Variants in MBD5 observed in about 807,000 individuals in gnomAD.
MBD5 encodes the protein methyl-CpG-binding domain protein 5.
In MBD5, 13 loss-of-function variants were observed where a neutral mutation model predicts 117.3. The observed-to-expected ratio is 0.11, with a 90% confidence interval of 0.07 to 0.18. The LOEUF is 0.18. Ranked by LOEUF, MBD5 falls within the 10% of genes least tolerant of loss-of-function variation. MBD5 has a pLI of 1.00. For synonymous variants in MBD5, 727 were observed against 766.4 expected, an observed-to-expected ratio of 0.95 and a Z score of 0.85; for missense variants, 1,879 against 2,093.8, an observed-to-expected ratio of 0.90 and a Z score of 2.00.
At chr2:148,228,943 A>C (rs1699910183) in intron 2 of MBD5, among the ~76,000 whole-genome samples, 1 of 152,008 alleles carries the variant, frequency 6.6e-6, no homozygotes, top group African/African-American at 2.4e-5. Context: ...TTTCTGTGGG[A>C]TCGCTGGTGA....
intron 1 of MBD5, among the ~76,000 whole-genome samples, chr2:148,157,923 G>A (rs893386106): frequency 5.9e-5 from 9 of 151,994 alleles, no homozygotes; most frequent in African/African-American, 1.9e-4. Flanking sequence ...TATTCATCAC[G>A]ATGGAAATGT....
intron 3 of MBD5, among the ~76,000 whole-genome samples, chr2:148,246,495 G>A (rs966421366): frequency 3.3e-5 from 5 of 152,080 alleles, no homozygotes; most frequent in Admixed American, 1.3e-4. Flanking sequence ...TACTAGCTGG[G>A]CACGGTGGCT....
At chr2:148,434,797 C>A (rs1463992656) in intron 4 of MBD5, among the ~76,000 whole-genome samples, 1 of 152,078 alleles carries the variant, frequency 6.6e-6, no homozygotes, top group Non-Finnish European at 1.5e-5. Context: ...AGTTCAAGTT[C>A]TGAATATCAT....
intron 2 of MBD5, among the ~76,000 whole-genome samples, chr2:148,210,349 C>CT (rs199728383): frequency 4.0e-5 from 6 of 151,070 alleles, no homozygotes; most frequent in African/African-American, 1.5e-4. Flanking sequence ...CTGGTTAATT[C>CT]TTTTTTTTTG....
At chr2:148,078,763 A>G (rs899575034) in intron 1 of MBD5, among the ~76,000 whole-genome samples, 2 of 152,318 alleles carry the variant, frequency 1.3e-5, no homozygotes, top group Non-Finnish European at 2.9e-5. Flanking sequence ...TTTGTTGGTA[A>G]TTGTGGGCTT....
chr2:148,243,922 A>C lies in MBD5; in HGVS notation c.-680+10527A>C, dbSNP rs1574185265. On this transcript the variant is annotated intron_variant, in intron 3 of 13. Coordinates refer to ENST00000642680, the MANE Select transcript of MBD5 (RefSeq NM_001378120.1). ...TATGATTCTATAGAAAAATCTGGCTATGTGTCTTTTTTTATGTGTATTTCT... is the reference window on the plus strand; with the variant it reads ...TATGATTCTATAGAAAAATCTGGCTCTGTGTCTTTTTTTATGTGTATTTCT... The C allele has an allele frequency of 2.0e-5, 3 of 151,958 alleles. No homozygotes were observed. In the East Asian group the frequency reaches 5.8e-4, roughly 29 times the overall value. The allele number at this position is 151,958 out of a possible 1,614,324, so 9.4% of individuals were successfully genotyped here. A position where few individuals can be genotyped will look rare whatever the true frequency, so the allele number is the denominator to read the frequency against.
chr2:148,383,055 C>G (rs1157611388), intron 4 of MBD5, among the ~76,000 whole-genome samples: 6 of 151,616 alleles, frequency 4.0e-5, no homozygotes, highest in Admixed American at 1.3e-4. Context: ...ACTAGAGAAG[C>G]AAGAGCAAAC....
At chr2:148,511,472 G>A (rs955031407) in intron 13 of MBD5, among the ~76,000 whole-genome samples, 5 of 152,228 alleles carry the variant, frequency 3.3e-5, no homozygotes, top group Non-Finnish European at 2.9e-5. Context: ...TCTCCAGAAG[G>A]CATTCCTTCC....
At chr2:148,465,787 G>C (rs187058066) in intron 7 of MBD5, among the ~76,000 whole-genome samples, 45 of 152,224 alleles carry the variant, frequency 3.0e-4, no homozygotes, top group Admixed American at 4.6e-4. Flanking sequence ...TTCACACTTA[G>C]AATTCATGTG....
Position 148,490,227 on chromosome 2 carries a change from G to A in MBD5, c.4595G>A (p.Arg1532Gln), listed in dbSNP as rs35934694. 1.3e-4 allele frequency: 216 copies of A among 1,614,172 alleles called. 1 individual carries two copies. The African/African-American group carries it at 2.3e-3, about 17-fold the overall frequency. ...AATGGGAATAGACCTCGACAGAGTC[G>A]GGGATTTGGAGAGCTGCTAAGCACT... Reference protein sequence around the residue: ...HINGNRPRQSRGFGELLSTAK... With the variant: ...HINGNRPRQSQGFGELLSTAK... Residue 1532 changes from arginine (R) to glutamine (Q), a missense_variant, in exon 11 of 14, where the codon CGG (arginine) becomes CAG (glutamine). Physicochemically the swap from Arg to Gln is conservative, Grantham distance 43. Transcript: ENST00000642680.
intron 3 of MBD5, among the ~76,000 whole-genome samples, chr2:148,311,161 T>G (rs1163426710): frequency 6.6e-6 from 1 of 152,158 alleles, no homozygotes; most frequent in Non-Finnish European, 1.5e-5. Context: ...GTCTATTAGG[T>G]CGGCTTGGTC....
intron 1 of MBD5, among the ~76,000 whole-genome samples, chr2:148,043,959 A>G (rs1452379603): frequency 6.6e-6 from 1 of 152,230 alleles, no homozygotes; most frequent in Non-Finnish European, 1.5e-5. Flanking sequence ...CTAACTCAGA[A>G]TAATTGAGGT....
intron 1 of MBD5, among the ~76,000 whole-genome samples, chr2:148,144,023 G>T (rs894080630): frequency 4.6e-5 from 7 of 152,180 alleles, no homozygotes; most frequent in Admixed American, 3.3e-4. Flanking sequence ...TTGAGGAATC[G>T]CTACACTGTC....
intron 4 of MBD5, among the ~76,000 whole-genome samples, chr2:148,376,451 C>T (rs1472848611): frequency 2.0e-5 from 3 of 149,922 alleles, no homozygotes; most frequent in Non-Finnish European, 4.4e-5. Flanking sequence ...GTATTTTTAG[C>T]AGAGACGGGG....
chr2:148,153,095 G>T lies in MBD5; in HGVS notation c.-924-25605G>T, dbSNP rs532966071. On this transcript the variant is annotated intron_variant, in intron 1 of 13. Transcript: ENST00000642680. ...GCTGGTACCGATTATTCCTTTCCAT[G>T]TTTAGCGCTTCCTTCAGGAGCTCTT... Among the ~76,000 whole-genome samples, 6 of 151,888 alleles carry T rather than the reference G, an allele frequency of 4.0e-5. No individual in the cohort carries two copies. The South Asian group carries it at 1.0e-3, about 26-fold the overall frequency.
At chr2:148,253,461 G>A (rs58880256) in intron 3 of MBD5, among the ~76,000 whole-genome samples, 19,457 of 152,088 alleles carry the variant, frequency 0.13, 1,404 homozygotes, top group Admixed American at 0.16. Flanking sequence ...TGGTTGCTGT[G>A]AGGGCATATA....
intron 3 of MBD5, among the ~76,000 whole-genome samples, chr2:148,288,707 C>T (rs2106415112): frequency 6.6e-6 from 1 of 151,708 alleles, no homozygotes; most frequent in East Asian, 1.9e-4. Context: ...GTAGTGTAAT[C>T]TATCACAGGA....
At position 148,489,566 on chromosome 2, in the gene MBD5, G is replaced by T. The variant is rs1172686822; in HGVS notation, c.3934G>T (p.Gly1312Cys). The change falls in exon 11 of 14, where the codon GGC becomes TGC. Residue 1312 changes from glycine (G) to cysteine (C), a missense_variant. By Grantham distance (159) the Gly-to-Cys change is radical. Transcript: ENST00000642680. Reference protein sequence around the residue: ...QQVKDGLVVGGPGDASVDAIY... With the variant: ...QQVKDGLVVGCPGDASVDAIY... The stretch of plus-strand genomic sequence containing the variant: ...GGTGAAGGATGGCCTCGTTGTGGGT[G>T]GCCCAGGTGATGCTTCCGTAGATGC... The T allele has an allele frequency of 6.2e-7, 1 of 1,614,172 alleles. No homozygotes were observed. The highest frequency in any genetic ancestry group is 8.5e-7 in the Non-Finnish European group (1 of 1,180,032).
chr2:148,137,967 G>C (rs936618020), intron 1 of MBD5, among the ~76,000 whole-genome samples: 1 of 152,048 alleles, frequency 6.6e-6, no homozygotes, highest in Non-Finnish European at 1.5e-5. Context: ...GCATGATGAC[G>C]GAATTGCCTA....
Sources: allele counts gnomAD v4.1 joint callset (sites outside exome capture counted in the v4.1 genomes callset), GRCh38; gene constraint gnomAD v4.1.1; transcripts MANE v1.5; gene names NCBI Gene and HGNC (gene_info 2026-07-23, HGNC 2026-07-21).